Variants in SPOPL observed in about 807,000 individuals in gnomAD.
SPOPL encodes speckle type BTB/POZ protein like, also known as speckle-type POZ protein-like.
SPOPL carries 23 observed loss-of-function variants against 53.8 expected under a neutral mutation model. That is an observed-to-expected ratio of 0.43 (90% CI 0.31 to 0.61). The LOEUF is 0.61. SPOPL is among the 20% of genes least tolerant of loss of function. The probability of loss-of-function intolerance (pLI) is 0.12; values close to 1 mark genes in which losing one functional copy is unlikely to be tolerated. For synonymous variants in SPOPL, 164 were observed against 149.7 expected (o/e 1.10, Z -0.70); for missense variants, 442 against 466.9 (o/e 0.95, Z 0.49).
chr2:138,517,174 T>A (rs1259323507), intron 1 of SPOPL, among the ~76,000 whole-genome samples: 4 of 152,232 alleles, frequency 2.6e-5, no homozygotes, highest in African/African-American at 9.6e-5. Context: ...AATTACATAA[T>A]TTTTTACATA....
rs1394207785 is a variant in SPOPL at position 138,571,507 on chromosome 2, T to C, written c.*2427T>C. On this transcript the variant is annotated 3_prime_UTR_variant, in exon 11 of 11. Transcript: ENST00000280098. Reference sequence around the variant, plus strand: ...TTTCAGATAATATAATGCCTACCATTATACTAACAGAATCATATGGTAGTT... The same window carrying C: ...TTTCAGATAATATAATGCCTACCATCATACTAACAGAATCATATGGTAGTT... 2 of 152,594 alleles carry C rather than the reference T, an allele frequency of 1.3e-5. No individual in the cohort carries two copies. Among genetic ancestry groups the C allele is most frequent in the African/African-American group, 4.8e-5 (2 of 41,450 alleles). 9.5% of individuals were successfully genotyped at this position (152,594 alleles called of 1,614,324 possible). A position where few individuals can be genotyped will look rare whatever the true frequency, so the allele number is the denominator to read the frequency against.
intron 1 of SPOPL, among the ~76,000 whole-genome samples, chr2:138,506,284 A>G (rs1195158504): frequency 1.3e-5 from 2 of 152,116 alleles, no homozygotes; most frequent in African/African-American, 4.8e-5. Flanking sequence ...ACACAATAAG[A>G]TGTTTGTTTT....
chr2:138,537,468 C>A (rs1684962728), intron 1 of SPOPL, among the ~76,000 whole-genome samples: 3 of 152,186 alleles, frequency 2.0e-5, no homozygotes, highest in Admixed American at 2.0e-4. Context: ...GCAGTTCAGT[C>A]ATGGGTTGAT....
In SPOPL at chr2:138,552,672, AT is replaced by A; in HGVS notation, c.475del (p.Cys159ValfsTer3). ...GLLPDDKLTL[F>X]CEVSVVQDSV... ...TTTTACCAGATGACAAGCTTACATT[AT>A]TTTGTGAGGTGGGTACATCTTTTAT... On this transcript the variant is annotated frameshift_variant, in exon 5 of 11. Coordinates refer to ENST00000280098, the MANE Select transcript of SPOPL (RefSeq NM_001001664.3). LOFTEE classifies it high-confidence loss of function. 1 of 1,611,976 alleles carries A rather than the reference AT, an allele frequency of 6.2e-7. No homozygotes were observed. The highest frequency in any genetic ancestry group is 1.1e-5 in the South Asian group (1 of 90,802).
chr2:138,503,339 C>T (rs1573860589), intron 1 of SPOPL, among the ~76,000 whole-genome samples: 1 of 152,158 alleles, frequency 6.6e-6, no homozygotes, highest in Admixed American at 6.5e-5. Flanking sequence ...TATGATATGA[C>T]ATCACAGGAT....
intron 8 of SPOPL, chr2:138,564,493 A>T: frequency 2.0e-6 from 1 of 496,086 alleles, no homozygotes; most frequent in Non-Finnish European, 3.4e-6. Flanking sequence ...AAATACGCTT[A>T]TGCAAATTGC....
At chr2:138,532,420 C>CTT (rs769229731) in intron 1 of SPOPL, among the ~76,000 whole-genome samples, 875 of 53,272 alleles carry the variant, frequency 0.016, 26 homozygotes, top group African/African-American at 0.036. Context: ...TTTTTGTTCG[C>CTT]TTTTTTTTTT....
Position 138,569,023 on chromosome 2 carries a change from A to C in SPOPL, c.1122A>C (p.Leu374=), listed in dbSNP as rs1177428515. ...TAGTAGCAGAAGCCTTTCGAGCACT[A>C]GCATCTGCACAGTGTCCACAGTTTG... The part of the protein sequence containing the change: ...PHLVAEAFRA[L]ASAQCPQFGI... The change falls in exon 11 of 11, where the codon CTA becomes CTC. Residue 374 remains leucine (L), a synonymous_variant. Transcript: ENST00000280098. 6.2e-7 allele frequency: 1 copy of C among 1,614,072 alleles called. No individual in the cohort carries two copies. The highest frequency in any genetic ancestry group is 8.5e-7 in the Non-Finnish European group (1 of 1,179,934).
chr2:138,532,350 T>C (rs1223051195), intron 1 of SPOPL, among the ~76,000 whole-genome samples: 1 of 151,882 alleles, frequency 6.6e-6, no homozygotes, highest in Non-Finnish European at 1.5e-5. Context: ...ATGCTTAGAA[T>C]CTGCAAATAT....
intron 1 of SPOPL, among the ~76,000 whole-genome samples, chr2:138,519,328 T>C (rs867495819): frequency 2.0e-5 from 3 of 152,110 alleles, no homozygotes; most frequent in African/African-American, 7.2e-5. Flanking sequence ...GATGGAAATA[T>C]AGTAATCTCA....
chr2:138,559,731 GTAT>G (rs1484983793), intron 7 of SPOPL, among the ~76,000 whole-genome samples: 1 of 152,148 alleles, frequency 6.6e-6, no homozygotes, highest in Non-Finnish European at 1.5e-5. Context: ...GATGACATCA[GTAT>G]TATTGTATAC....
At position 138,550,656 on chromosome 2, in the gene SPOPL, T is replaced by G. The variant is rs748325446; in HGVS notation, c.200+52T>G. ...TTGTTTTTTGTTTTTGATGTGATCA[T>G]CAGCTGCTCATGATTTTGTTATCAT... On this transcript the variant is annotated intron_variant, in intron 3 of 10. Coordinates refer to ENST00000280098, the MANE Select transcript of SPOPL (RefSeq NM_001001664.3). 6 of 1,559,340 alleles carry G rather than the reference T, an allele frequency of 3.8e-6. No homozygotes were observed. The South Asian group carries it at 7.2e-5, about 19-fold the overall frequency.
At chr2:138,546,000 A>G (rs1252295842) in intron 1 of SPOPL, among the ~76,000 whole-genome samples, 1 of 152,196 alleles carries the variant, frequency 6.6e-6, no homozygotes, top group African/African-American at 2.4e-5. Flanking sequence ...TGGTAAAGAG[A>G]GGAAACATGA....
chr2:138,550,353 G>C (rs971945915), intron 2 of SPOPL, 59 bp downstream of exon 2: 2 of 1,602,444 alleles, frequency 1.2e-6, no homozygotes, highest in Admixed American at 3.4e-5. Context: ...AGTATGTTGA[G>C]AATAGTATTG....
chr2:138,547,110 C>T (rs970651147), intron 1 of SPOPL, among the ~76,000 whole-genome samples: 1 of 152,046 alleles, frequency 6.6e-6, no homozygotes, highest in African/African-American at 2.4e-5. Flanking sequence ...GCATTATAGG[C>T]GCCCGCCCCC....
At chr2:138,553,610 G>C (rs1685359746) in intron 5 of SPOPL, among the ~76,000 whole-genome samples, 1 of 151,950 alleles carries the variant, frequency 6.6e-6, no homozygotes, top group Non-Finnish European at 1.5e-5. Context: ...AAGTGTATAA[G>C]ATTTCTTGGC....
At chr2:138,557,121 A>T (rs1685442431) in intron 5 of SPOPL, among the ~76,000 whole-genome samples, 1 of 151,912 alleles carries the variant, frequency 6.6e-6, no homozygotes, top group African/African-American at 2.4e-5. Context: ...GCGCCACTGC[A>T]CTCCAGCCTG....
At chr2:138,519,059 A>G (rs947087289) in intron 1 of SPOPL, among the ~76,000 whole-genome samples, 8 of 152,242 alleles carry the variant, frequency 5.3e-5, no homozygotes, top group African/African-American at 1.9e-4. Flanking sequence ...ATTATAGACA[A>G]GAAAACTGAG....
chr2:138,560,720 T>C (rs1685526740), intron 7 of SPOPL, 85 bp from the exon 8 acceptor site: 4 of 1,432,042 alleles, frequency 2.8e-6, no homozygotes, highest in East Asian at 2.4e-5. Context: ...TTTAGGGCTT[T>C]TAAATTACTG....
Sources: allele counts gnomAD v4.1 joint callset (sites outside exome capture counted in the v4.1 genomes callset), GRCh38; gene constraint gnomAD v4.1.1; transcripts MANE v1.5; gene names NCBI Gene and HGNC (gene_info 2026-07-23, HGNC 2026-07-21).